Variants in ASTN2 observed in about 807,000 individuals in gnomAD.
The protein encoded by ASTN2 is astrotactin-2.
A neutral mutation model predicts 139.8 loss-of-function variants in ASTN2; 54 were observed. The ratio of observed to expected loss-of-function variants is 0.39; its 90% CI spans 0.31 to 0.48. ASTN2 has a LOEUF of 0.48. ASTN2 is among the 20% of genes least tolerant of loss of function. The pLI is 0.95. For synonymous variants in ASTN2, 756 were observed against 719.5 expected (o/e 1.05, Z -0.81); for missense variants, 1,565 against 1,725.1 (o/e 0.91, Z 1.64).
At chr9:116,730,950 C>T (rs975272207) in intron 14 of ASTN2, among the ~76,000 whole-genome samples, 7 of 152,194 alleles carry the variant, frequency 4.6e-5, no homozygotes, top group African/African-American at 7.2e-5. Context: ...GTCAAGGTCA[C>T]GGTCTATATT....
At position 116,658,733 on chromosome 9, in the gene ASTN2, C is replaced by CTTTTTTTTTTTTTTT. The variant is rs71502074; in HGVS notation, c.2807-6955_2807-6941dup. Among the ~76,000 whole-genome samples, 9 of 101,128 alleles carry CTTTTTTTTTTTTTTT rather than the reference C, an allele frequency of 8.9e-5. No individual in the cohort carries two copies. In the East Asian group the frequency reaches 1.3e-3, roughly 15 times the overall value. The allele number at this position is 101,128 out of a possible 152,430, so 66.3% of individuals were successfully genotyped here. A position where few individuals can be genotyped will look rare whatever the true frequency, so the allele number is the denominator to read the frequency against. On this transcript the variant is annotated intron_variant, in intron 16 of 22. Coordinates refer to ENST00000313400, the MANE Select transcript of ASTN2 (RefSeq NM_001365068.1). The stretch of plus-strand genomic sequence containing the variant: ...GACCTTCCTAATCCTGACCACCGCT[C>CTTTTTTTTTTTTTTT]TTTTTTTTTTTTTTTTTTTTTTTTT...
chr9:117,249,619 T>C (rs1235156762), intron 2 of ASTN2, among the ~76,000 whole-genome samples: 1 of 151,462 alleles, frequency 6.6e-6, no homozygotes, highest in East Asian at 1.9e-4. Flanking sequence ...CCCACCACCT[T>C]CCCCCTGGTC....
intron 13 of ASTN2, among the ~76,000 whole-genome samples, chr9:116,765,074 T>C (rs1370307513): frequency 6.6e-6 from 1 of 152,164 alleles, no homozygotes; most frequent in Non-Finnish European, 1.5e-5. Flanking sequence ...ACAAAATACG[T>C]GCTAATGACA....
chr9:117,271,964 T>A (rs534032705), intron 2 of ASTN2, among the ~76,000 whole-genome samples: 2 of 152,162 alleles, frequency 1.3e-5, no homozygotes, highest in Non-Finnish European at 2.9e-5. Context: ...GTCTGAAGGA[T>A]GGTGGCCCTC....
At chr9:116,696,222 C>G (rs1166319973) in intron 16 of ASTN2, among the ~76,000 whole-genome samples, 1 of 152,090 alleles carries the variant, frequency 6.6e-6, no homozygotes, top group Non-Finnish European at 1.5e-5. Context: ...TTTACCTTTC[C>G]AAGTCTGTTA....
At chr9:117,208,199 A>G (rs1832001486) in intron 3 of ASTN2, among the ~76,000 whole-genome samples, 1 of 152,198 alleles carries the variant, frequency 6.6e-6, no homozygotes, top group Admixed American at 6.5e-5. Context: ...AAATTAAATA[A>G]TAATTTTAAA....
chr9:116,484,678 A>T (rs536246086), intron 20 of ASTN2, among the ~76,000 whole-genome samples: 140 of 152,296 alleles, frequency 9.2e-4, no homozygotes, highest in African/African-American at 3.2e-3. Flanking sequence ...CATCCATTTC[A>T]AAAATACATA....
intron 17 of ASTN2, among the ~76,000 whole-genome samples, chr9:116,620,896 C>A (rs1856109912): frequency 6.6e-6 from 1 of 152,178 alleles, no homozygotes; most frequent in Non-Finnish European, 1.5e-5. Flanking sequence ...TTATTAAACA[C>A]CTTGCTGCAC....
chr9:117,378,979 G>T (rs2130925072), intron 1 of ASTN2, among the ~76,000 whole-genome samples: 1 of 152,146 alleles, frequency 6.6e-6, no homozygotes, highest in East Asian at 1.9e-4. Context: ...CTCCTCCTTT[G>T]CTCTCTCTTG....
chr9:117,413,203 T>A (rs1370680456), intron 1 of ASTN2, among the ~76,000 whole-genome samples: 3 of 152,238 alleles, frequency 2.0e-5, no homozygotes, highest in Non-Finnish European at 4.4e-5. Flanking sequence ...AAAATACTTT[T>A]AACAATATCA....
At chr9:116,705,636 A>G (rs1827970285) in intron 16 of ASTN2, among the ~76,000 whole-genome samples, 1 of 152,210 alleles carries the variant, frequency 6.6e-6, no homozygotes, top group Non-Finnish European at 1.5e-5. Context: ...ATTATTAGCA[A>G]TACTTAATAT....
intron 20 of ASTN2, among the ~76,000 whole-genome samples, chr9:116,468,857 G>T (rs974581574): frequency 3.9e-5 from 6 of 152,090 alleles, no homozygotes; most frequent in Non-Finnish European, 7.4e-5. Flanking sequence ...CTTGAGTAGG[G>T]GTTGCAAATG....
At chr9:117,060,410 G>GGA (rs1208768455) in intron 5 of ASTN2, among the ~76,000 whole-genome samples, 1 of 51,930 alleles carries the variant, frequency 1.9e-5, no homozygotes, top group African/African-American at 1.1e-4. Context: ...AAGAAAGAAA[G>GGA]AAGGAAAGGA....
chr9:117,174,631 C>T (rs1022658873), intron 3 of ASTN2, among the ~76,000 whole-genome samples: 3 of 151,820 alleles, frequency 2.0e-5, no homozygotes, highest in Non-Finnish European at 2.9e-5. Flanking sequence ...TGTTAAAAAA[C>T]GTAAGGATAG....
intron 2 of ASTN2, among the ~76,000 whole-genome samples, chr9:117,225,295 C>A (rs1218649752): frequency 1.3e-5 from 2 of 151,956 alleles, no homozygotes; most frequent in African/African-American, 4.8e-5. Flanking sequence ...CAGCATCCCA[C>A]TACATGTCCT....
intron 19 of ASTN2, among the ~76,000 whole-genome samples, chr9:116,548,285 G>A (rs4836746): frequency 0.16 from 24,178 of 152,136 alleles, 2,097 homozygotes; most frequent in African/African-American, 0.21. Flanking sequence ...CAAGGGGACA[G>A]AGATGGCAGG....
At chr9:116,554,193 C>T (rs554338243) in intron 19 of ASTN2, among the ~76,000 whole-genome samples, 1 of 152,088 alleles carries the variant, frequency 6.6e-6, no homozygotes, top group Non-Finnish European at 1.5e-5. Context: ...TATTATCTCT[C>T]GTAATGATAC....
chr9:116,949,196 C>G (rs544299636), intron 10 of ASTN2, among the ~76,000 whole-genome samples: 1 of 152,272 alleles, frequency 6.6e-6, no homozygotes, highest in South Asian at 2.1e-4. Context: ...TCAACCAAGT[C>G]TGGCAGATAC....
chr9:117,115,348 C>T (rs192794565), intron 4 of ASTN2, among the ~76,000 whole-genome samples: 13 of 152,010 alleles, frequency 8.6e-5, no homozygotes, highest in Admixed American at 8.5e-4. Context: ...GAAACCCTGT[C>T]TCTACTAAAA....
Sources: gnomAD v4.1 joint callset for allele counts (sites outside exome capture counted in the v4.1 genomes callset) on GRCh38, gnomAD v4.1.1 for gene constraint, MANE v1.5 for transcripts, NCBI Gene and HGNC (gene_info 2026-07-23, HGNC 2026-07-21) for gene names.